Variants in ITGBL1 observed in about 807,000 individuals in gnomAD.
ITGBL1 encodes integrin subunit beta like 1.
ITGBL1 carries 51 observed loss-of-function variants against 68.5 expected under a neutral mutation model. The ratio of observed to expected loss-of-function variants is 0.74; its 90% CI spans 0.59 to 0.94. The LOEUF (loss-of-function observed/expected upper bound fraction) is 0.94, where lower values mean the gene tolerates loss of function less well. Among genes scored for constraint, ITGBL1 ranks in the 40% least tolerant of loss-of-function variants. The probability of loss-of-function intolerance (pLI) is 0.00; values close to 1 mark genes in which losing one functional copy is unlikely to be tolerated. For synonymous variants in ITGBL1, 209 were observed against 227.3 expected (o/e 0.92, Z 0.72); for missense variants, 649 against 647.4 (o/e 1.00, Z -0.03).
chr13:101,462,420 C>G (rs1263378728), intron 2 of ITGBL1, among the ~76,000 whole-genome samples: 1 of 152,156 alleles, frequency 6.6e-6, no homozygotes, highest in Admixed American at 6.5e-5. Flanking sequence ...TAGTCACCCT[C>G]CTATAAAGTG....
At chr13:101,717,204 GTTAC>G (rs1027338190), downstream of ITGBL1, 37 of 151,974 alleles carry the variant, frequency 2.4e-4, no homozygotes, top group African/African-American at 6.3e-4. Context: ...CATCCACTGA[GTTAC>G]TTAAAAATTT....
At chr13:101,620,670 C>G (rs1306747344) in intron 7 of ITGBL1, among the ~76,000 whole-genome samples, 2 of 152,102 alleles carry the variant, frequency 1.3e-5, no homozygotes, top group Non-Finnish European at 2.9e-5. Flanking sequence ...TGGAGTCTTT[C>G]CAGAGCCACT....
chr13:101,508,276 T>C (rs2049057340), intron 2 of ITGBL1, among the ~76,000 whole-genome samples: 1 of 152,222 alleles, frequency 6.6e-6, no homozygotes, highest in South Asian at 2.1e-4. Context: ...TTTATACACA[T>C]TTGTAATACG....
chr13:101,683,628 A>G (rs2033692116), intron 7 of ITGBL1, among the ~76,000 whole-genome samples: 2 of 151,998 alleles, frequency 1.3e-5, no homozygotes, highest in African/African-American at 4.8e-5. Context: ...ATGCATGCCA[A>G]CTTCACTAGA....
intron 7 of ITGBL1, 127 bp downstream of exon 7, chr13:101,598,426 T>C (rs1230494285): frequency 1.4e-6 from 1 of 706,564 alleles, no homozygotes; most frequent in Non-Finnish European, 2.1e-6. Context: ...TTGTTTTTTA[T>C]TTTTTTATTT....
chr13:101,534,036 GGAAGACAAAGATAGTTTTTCAAA>G (rs1175623080), intron 2 of ITGBL1, among the ~76,000 whole-genome samples: 1 of 152,074 alleles, frequency 6.6e-6, no homozygotes, highest in East Asian at 1.9e-4. Flanking sequence ...AGTGTGTCAG[GGAAGACAAAGATAGTTTTTCAAA>G]GAAAAAATAA....
intron 2 of ITGBL1, among the ~76,000 whole-genome samples, chr13:101,524,136 T>A (rs1392198801): frequency 1.3e-5 from 2 of 151,604 alleles, no homozygotes; most frequent in Non-Finnish European, 2.9e-5. Context: ...TTAATTTTTT[T>A]TTTTTTTTAA....
chr13:101,589,428 C>T (rs138495158), intron 6 of ITGBL1, among the ~76,000 whole-genome samples: 34 of 152,302 alleles, frequency 2.2e-4, no homozygotes, highest in African/African-American at 7.9e-4. Flanking sequence ...CGCTGACTTT[C>T]AGGAACTTCA....
chr13:101,669,500 C>T lies in ITGBL1; in HGVS notation c.1016-23085C>T, dbSNP rs533536888. ...CTTATGAAAGGAATTTGTGTGCAAT[C>T]AAGTTGGCTTAAGTTAGAAGAGAAT... On this transcript the variant is annotated intron_variant, in intron 7 of 10. Coordinates refer to ENST00000376180, the MANE Select transcript of ITGBL1 (RefSeq NM_004791.3). Among the ~76,000 whole-genome samples the T allele has an allele frequency of 7.9e-5, 12 of 152,196 alleles. No individual in the cohort carries two copies. The South Asian group carries it at 2.3e-3, about 29-fold the overall frequency.
Position 101,452,941 on chromosome 13 carries a change from G to C in ITGBL1, c.98+10G>C. 6.2e-7 allele frequency: 1 copy of C among 1,612,626 alleles called. No individual in the cohort carries two copies. Among genetic ancestry groups the C allele is most frequent in the Non-Finnish European group, 8.5e-7 (1 of 1,178,590 alleles). On this transcript the variant is annotated intron_variant, in intron 1 of 10. Transcript: ENST00000376180. ...TCTCGCCATCTCTGAGGTAAGTTTG[G>C]TTTGTTATTCTTCAGTACAGACCTG...
At chr13:101,696,413 A>G (rs570437999) in intron 8 of ITGBL1, among the ~76,000 whole-genome samples, 1 of 152,310 alleles carries the variant, frequency 6.6e-6, no homozygotes, top group South Asian at 2.1e-4. Flanking sequence ...GCTTGTCTTG[A>G]CCAGTTGTCT....
At chr13:101,571,214 C>T (rs1434399793) in intron 3 of ITGBL1, among the ~76,000 whole-genome samples, 2 of 152,068 alleles carry the variant, frequency 1.3e-5, no homozygotes, top group African/African-American at 4.8e-5. Flanking sequence ...CAATCCTATA[C>T]TACATCTCTA....
intron 7 of ITGBL1, among the ~76,000 whole-genome samples, chr13:101,659,039 A>ATTTTTTTTTTTTTTTTTTTTTTTTTTTTT (rs55935871): frequency 9.6e-6 from 1 of 103,848 alleles, no homozygotes; most frequent in Non-Finnish European, 1.8e-5. Context: ...TGGTGATTGA[A>ATTTTTTTTTTTTTTTTTTTTTTTTTTTTT]TTTTTTTTTT....
intron 7 of ITGBL1, among the ~76,000 whole-genome samples, chr13:101,683,409 G>A (rs991099057): frequency 5.9e-5 from 9 of 151,952 alleles, no homozygotes; most frequent in Non-Finnish European, 1.3e-4. Flanking sequence ...ATGTATTTGC[G>A]ATTCTTTCTT....
At chr13:101,647,578 G>A (rs2032602364) in intron 7 of ITGBL1, among the ~76,000 whole-genome samples, 1 of 152,210 alleles carries the variant, frequency 6.6e-6, no homozygotes, top group Admixed American at 6.5e-5. Flanking sequence ...AAGCTGATTT[G>A]GGTGTGCAAT....
At chr13:101,645,292 G>A (rs1181441884) in intron 7 of ITGBL1, among the ~76,000 whole-genome samples, 1 of 152,052 alleles carries the variant, frequency 6.6e-6, no homozygotes, top group East Asian at 1.9e-4. Context: ...AATGCCAAGG[G>A]AAAACAAAAC....
intron 7 of ITGBL1, among the ~76,000 whole-genome samples, chr13:101,631,583 A>G (rs1326138260): frequency 6.6e-6 from 1 of 152,154 alleles, no homozygotes; most frequent in African/African-American, 2.4e-5. Flanking sequence ...GGGATTACTA[A>G]AAGATGTCAA....
intron 7 of ITGBL1, among the ~76,000 whole-genome samples, chr13:101,680,550 A>G (rs1428434529): frequency 6.6e-6 from 1 of 150,758 alleles, no homozygotes; most frequent in Admixed American, 6.6e-5. Context: ...TTTTTTTCAT[A>G]GAAAAGTACA....
downstream of ITGBL1, chr13:101,717,604 C>T (rs964424864): frequency 6.6e-6 from 1 of 152,092 alleles, no homozygotes; most frequent in African/African-American, 2.4e-5. Flanking sequence ...GGCGCTTATC[C>T]TCCTATTAAG....
Sources: gnomAD v4.1 joint callset for allele counts (sites outside exome capture counted in the v4.1 genomes callset) on GRCh38, gnomAD v4.1.1 for gene constraint, MANE v1.5 for transcripts, NCBI Gene and HGNC (gene_info 2026-07-23, HGNC 2026-07-21) for gene names.